The following FRMPD1 variants were observed in gnomAD, a reference collection of about 807,000 sequenced individuals.
FRMPD1 encodes FERM and PDZ domain-containing protein 1.
Under a neutral mutation model 117.8 loss-of-function variants are expected in FRMPD1, and 76 were observed. The ratio of observed to expected loss-of-function variants is 0.65; its 90% confidence interval spans 0.54 to 0.78. FRMPD1 has a LOEUF of 0.78. Among genes scored for constraint, FRMPD1 ranks in the 30% least tolerant of loss-of-function variants. The pLI, the probability that FRMPD1 is intolerant of heterozygous loss-of-function variation, is 0.00. For missense variants in FRMPD1, 1,786 were observed against 1,964.5 expected, an observed-to-expected ratio of 0.91 and a Z score of 1.72; for synonymous variants, 783 against 770.4, an observed-to-expected ratio of 1.02 and a Z score of -0.27.
chr9:37,654,036 T>C (rs1320103472), intron 1 of FRMPD1, among the ~76,000 whole-genome samples: 3 of 152,264 alleles, frequency 2.0e-5, no homozygotes, highest in African/African-American at 4.8e-5. Flanking sequence ...GTAGCATCTA[T>C]GGTACTGTCC....
At chr9:37,681,008 G>T (rs115404510) in intron 1 of FRMPD1, among the ~76,000 whole-genome samples, 1 of 151,962 alleles carries the variant, frequency 6.6e-6, no homozygotes, top group African/African-American at 2.4e-5. Flanking sequence ...CCAGGAGTTC[G>T]AGACCAGCTG....
chr9:37,643,437 T>C, the FRMPD1 span, among the ~76,000 whole-genome samples: 1 of 152,220 alleles, frequency 6.6e-6, no homozygotes, highest in Non-Finnish European at 1.5e-5. Flanking sequence ...TTTTCATCTT[T>C]CAGATCATTA....
At chr9:37,630,951 C>T in the FRMPD1 span, among the ~76,000 whole-genome samples, 1 of 152,136 alleles carries the variant, frequency 6.6e-6, no homozygotes, top group Non-Finnish European at 1.5e-5. Flanking sequence ...AGACTCATAC[C>T]GTGACCTCAA....
the FRMPD1 span, among the ~76,000 whole-genome samples, chr9:37,644,463 AAC>A: frequency 6.6e-6 from 1 of 152,156 alleles, no homozygotes; most frequent in Non-Finnish European, 1.5e-5. Context: ...AGCTATAGGC[AAC>A]AGTGTCCTAT....
At chr9:37,644,759 A>G in the FRMPD1 span, among the ~76,000 whole-genome samples, 1 of 152,174 alleles carries the variant, frequency 6.6e-6, no homozygotes, top group Non-Finnish European at 1.5e-5. Context: ...TCATCTGTGA[A>G]GTGGGGATTG....
At chr9:37,712,432 T>C (rs1822943779) in intron 5 of FRMPD1, among the ~76,000 whole-genome samples, 1 of 152,252 alleles carries the variant, frequency 6.6e-6, no homozygotes, top group South Asian at 2.1e-4. Context: ...CTCAGTTCAC[T>C]GCAACCGCCA....
intron 1 of FRMPD1, among the ~76,000 whole-genome samples, chr9:37,655,098 G>A (rs540809483): frequency 3.3e-5 from 5 of 152,256 alleles, no homozygotes; most frequent in East Asian, 1.9e-4. Flanking sequence ...CGCTTGCTGC[G>A]GGGTACCCTT....
intron 2 of FRMPD1, among the ~76,000 whole-genome samples, chr9:37,703,280 T>C (rs1179778068): frequency 6.6e-6 from 1 of 152,204 alleles, no homozygotes; most frequent in Non-Finnish European, 1.5e-5. Context: ...CCTTATTATT[T>C]TTATTCATAT....
the FRMPD1 span, among the ~76,000 whole-genome samples, chr9:37,634,657 T>C: frequency 0.1 from 15,569 of 152,226 alleles, 989 homozygotes; most frequent in Middle Eastern, 0.15. Flanking sequence ...GAAACCCATA[T>C]CTTTTTTCCT....
chr9:37,635,187 T>C, the FRMPD1 span, among the ~76,000 whole-genome samples: 1 of 152,238 alleles, frequency 6.6e-6, no homozygotes, highest in Non-Finnish European at 1.5e-5. Flanking sequence ...ATGTATTGGC[T>C]GTCCTCTATG....
chr9:37,628,486 C>T, the FRMPD1 span, among the ~76,000 whole-genome samples: 1 of 152,116 alleles, frequency 6.6e-6, no homozygotes, highest in Non-Finnish European at 1.5e-5. Flanking sequence ...AAAGAGAAGT[C>T]AAGTTTTAAA....
chr9:37,718,863 C>A (rs888115294), intron 5 of FRMPD1, among the ~76,000 whole-genome samples: 1 of 152,220 alleles, frequency 6.6e-6, no homozygotes, highest in African/African-American at 2.4e-5. Context: ...GAATGTCCAA[C>A]TATTCTCAGG....
rs145615158 is a variant in FRMPD1, at chr9:37,746,600, A to G, written c.4568A>G (p.Asn1523Ser). 3.7e-6 allele frequency: 6 copies of G among 1,613,998 alleles called. No homozygotes were observed. In the African/African-American group the frequency reaches 8.0e-5, roughly 22 times the overall value. The stretch of plus-strand genomic sequence containing the variant: ...GCCCGGCACAGGGAGGCAGCGGGGA[A>G]CCTGAGGGATGTGGTGTACACCTAC... ...CSARHREAAG[N>S]LRDVVYTYHQ... The change falls in exon 16 of 16, where the codon AAC becomes AGC. Residue 1523 changes from asparagine (N) to serine (S), a missense_variant. Physicochemically the swap from Asn to Ser is conservative, Grantham distance 46. Coordinates refer to ENST00000377765, the MANE Select transcript of FRMPD1 (RefSeq NM_014907.3).
the FRMPD1 span, among the ~76,000 whole-genome samples, chr9:37,639,132 GT>G: frequency 6.6e-6 from 1 of 152,138 alleles, no homozygotes; most frequent in African/African-American, 2.4e-5. Flanking sequence ...AATAACCACG[GT>G]AAGTTACTAA....
At chr9:37,626,823 T>C in the FRMPD1 span, among the ~76,000 whole-genome samples, 1 of 151,908 alleles carries the variant, frequency 6.6e-6, no homozygotes, top group Non-Finnish European at 1.5e-5. Flanking sequence ...TTATGGGCTT[T>C]ACCACATACC....
intron 2 of FRMPD1, among the ~76,000 whole-genome samples, chr9:37,695,011 A>G (rs567436181): frequency 1.0e-5 from 1 of 95,768 alleles, no homozygotes; most frequent in East Asian, 3.9e-4. Context: ...ATAAGAATAG[A>G]TAGATAGATA....
At chr9:37,681,212 C>CAAA (rs72098221) in intron 1 of FRMPD1, among the ~76,000 whole-genome samples, 17,670 of 85,276 alleles carry the variant, frequency 0.21, 1,624 homozygotes, top group Middle Eastern at 0.26. Flanking sequence ...GACTCTGTCT[C>CAAA]AAAAAAAAAA....
At chr9:37,716,796 C>G (rs1310197678) in intron 5 of FRMPD1, among the ~76,000 whole-genome samples, 1 of 152,088 alleles carries the variant, frequency 6.6e-6, no homozygotes, top group African/African-American at 2.4e-5. Flanking sequence ...TGGCCTTTGA[C>G]CCATAGCTAT....
intron 1 of FRMPD1, among the ~76,000 whole-genome samples, chr9:37,678,666 CT>C (rs1821617677): frequency 6.6e-6 from 1 of 152,136 alleles, no homozygotes; most frequent in Non-Finnish European, 1.5e-5. Flanking sequence ...TGATTTTTGT[CT>C]TTTTTGCTCC....
Sources: gnomAD v4.1 joint callset for allele counts (sites outside exome capture counted in the v4.1 genomes callset) on GRCh38, gnomAD v4.1.1 for gene constraint, MANE v1.5 for transcripts, NCBI Gene and HGNC (gene_info 2026-07-23, HGNC 2026-07-21) for gene names.